Variants in FGFR2 observed in about 807,000 individuals in gnomAD.
The protein encoded by FGFR2 is fibroblast growth factor receptor 2.
In FGFR2, 19 loss-of-function variants were observed where a neutral mutation model predicts 95.9. The ratio of observed to expected loss-of-function variants is 0.20; its 90% CI spans 0.14 to 0.29. The LOEUF is 0.29. Ranked by LOEUF, FGFR2 falls within the 10% of genes least tolerant of loss-of-function variation. FGFR2 has a pLI of 1.00. For missense variants in FGFR2, 707 were observed against 1,056.9 expected (o/e 0.67, Z 4.59); for synonymous variants, 392 against 393.3 (o/e 1.00, Z 0.04).
intron 4 of FGFR2, among the ~76,000 whole-genome samples, chr10:121,560,036 C>T (rs930343084): frequency 1.3e-5 from 2 of 152,156 alleles, no homozygotes; most frequent in African/African-American, 4.8e-5. Context: ...AGCGAGGGCA[C>T]CCACATACAG....
At chr10:121,493,511 T>C (rs542016642) in intron 13 of FGFR2, among the ~76,000 whole-genome samples, 4 of 152,258 alleles carry the variant, frequency 2.6e-5, no homozygotes, top group South Asian at 2.1e-4. Flanking sequence ...GAAGCTCCCA[T>C]GTGGGGCCTC....
At position 121,479,568 on chromosome 10, in the gene FGFR2, T is replaced by C; in HGVS notation, c.*289A>G. 1 of 1,538,534 alleles carries C rather than the reference T, an allele frequency of 6.5e-7. No individual in the cohort carries two copies. Among genetic ancestry groups the C allele is most frequent in the Non-Finnish European group, 8.8e-7 (1 of 1,140,044 alleles). ...ATTAACAAGGAAGGCAGAACGCACG[T>C]CCACCTTGAGTCCTACTGGTCCACA... On this transcript the variant is annotated 3_prime_UTR_variant, in exon 18 of 18. Coordinates refer to ENST00000358487, the MANE Select transcript of FGFR2 (RefSeq NM_000141.5).
At chr10:121,500,680 G>T in intron 11 of FGFR2, 146 bp downstream of exon 11, 1 of 1,143,008 alleles carries the variant, frequency 8.7e-7, no homozygotes, top group Non-Finnish European at 1.3e-6. Context: ...CCGAGATGCT[G>T]ATTTATACCG....
intron 2 of FGFR2, 195 bp from the exon 3 acceptor site, chr10:121,565,899 C>A (rs529146683): frequency 3.1e-6 from 2 of 642,656 alleles, no homozygotes; most frequent in South Asian, 1.9e-5. Context: ...CCAGAGGATA[C>A]CCCCAGAAAA....
At chr10:121,481,199 A>G (rs865851378) in intron 17 of FGFR2, among the ~76,000 whole-genome samples, 124 of 152,212 alleles carry the variant, frequency 8.1e-4, no homozygotes, top group African/African-American at 2.9e-3. Flanking sequence ...TAAATTGGGA[A>G]CTTGTGGGTC....
intron 6 of FGFR2, among the ~76,000 whole-genome samples, chr10:121,522,954 T>C (rs1850769163): frequency 6.6e-6 from 1 of 152,168 alleles, no homozygotes; most frequent in Non-Finnish European, 1.5e-5. Context: ...AACAGCAAAT[T>C]AGAACAATAG....
chr10:121,484,707 A>G (rs1418946350), intron 16 of FGFR2, among the ~76,000 whole-genome samples: 1 of 152,214 alleles, frequency 6.6e-6, no homozygotes, highest in Non-Finnish European at 1.5e-5. Context: ...AACTCCACTT[A>G]AAGTGTGAGG....
At chr10:121,562,395 A>G (rs139333096) in intron 4 of FGFR2, among the ~76,000 whole-genome samples, 2,363 of 151,802 alleles carry the variant, frequency 0.016, 66 homozygotes, top group African/African-American at 0.054. Context: ...AGTGATTCTC[A>G]TGCCTCAGCC....
chr10:121,592,236 T>A (rs1371426617), intron 2 of FGFR2, among the ~76,000 whole-genome samples: 1 of 152,174 alleles, frequency 6.6e-6, no homozygotes, highest in East Asian at 1.9e-4. Flanking sequence ...CGTACAGGCA[T>A]GACTTTCAGA....
Position 121,565,548 on chromosome 10 carries a change from C to T in FGFR2, c.266G>A (p.Gly89Glu), listed in dbSNP as rs2135116206. The change falls in exon 3 of 18, where the codon GGG (glycine) becomes GAG (glutamate). Residue 89 changes from glycine to glutamate, a missense_variant. Physicochemically the swap from Gly to Glu is moderately conservative, Grantham distance 98 (BLOSUM62 -2). Coordinates refer to ENST00000358487, the MANE Select transcript of FGFR2 (RefSeq NM_000141.5). ...GGCGCCCTTTATCTGCAAGTACTCC[C>T]CAATAAGCACTGTCCTATTGTTGGG... ...LGPNNRTVLIGEYLQIKGATP... is the reference protein window; with the variant it reads ...LGPNNRTVLIEEYLQIKGATP... The T allele has an allele frequency of 6.2e-7, 1 of 1,614,218 alleles. No individual in the cohort carries two copies.
chr10:121,589,728 G>A (rs971305193), intron 2 of FGFR2, among the ~76,000 whole-genome samples: 1 of 152,186 alleles, frequency 6.6e-6, no homozygotes, highest in Non-Finnish European at 1.5e-5. Flanking sequence ...TACTAATAAA[G>A]AATGTGTACT....
At chr10:121,577,515 A>T (rs1040727631) in intron 2 of FGFR2, among the ~76,000 whole-genome samples, 7 of 152,088 alleles carry the variant, frequency 4.6e-5, no homozygotes, top group African/African-American at 1.7e-4. Flanking sequence ...TTGGGGGTTA[A>T]TTATCTTCGG....
chr10:121,539,675 T>A (rs1403023930), intron 5 of FGFR2, among the ~76,000 whole-genome samples: 1 of 152,128 alleles, frequency 6.6e-6, no homozygotes, highest in African/African-American at 2.4e-5. Flanking sequence ...TGAAACGAAA[T>A]GAAAAAATAA....
intron 1 of FGFR2, 59 bp from the exon 2 acceptor site, chr10:121,594,026 C>G (rs1863082219): frequency 1.4e-5 from 9 of 643,758 alleles, no homozygotes; most frequent in Non-Finnish European, 2.2e-5. Context: ...CACTCCAGCC[C>G]AAGTGGGATA....
At chr10:121,594,550 C>G (rs1863159649) in intron 1 of FGFR2, among the ~76,000 whole-genome samples, 1 of 152,202 alleles carries the variant, frequency 6.6e-6, no homozygotes, top group Non-Finnish European at 1.5e-5. Context: ...ACAGAAAATT[C>G]CCACCAGTTT....
At chr10:121,532,226 G>A (rs1266763580) in intron 6 of FGFR2, among the ~76,000 whole-genome samples, 1 of 152,194 alleles carries the variant, frequency 6.6e-6, no homozygotes, top group African/African-American at 2.4e-5. Flanking sequence ...AGGGCTCTAC[G>A]GAGCCGAGAC....
Position 121,598,042 on chromosome 10 carries a change from G to C in FGFR2, c.-231C>G. 3 of 397,890 alleles carry C rather than the reference G, an allele frequency of 7.5e-6. No individual in the cohort carries two copies. Among genetic ancestry groups the C allele is most frequent in the Non-Finnish European group, 1.3e-5 (3 of 225,556 alleles). The allele number at this position is 397,890 out of a possible 1,614,324, so 24.6% of individuals were successfully genotyped here. ...GGGATGGAGAAAGCGACGAGCCCGG[G>C]GTTGCGGGGAGCAACTCCAAACGCA... On this transcript the variant is annotated 5_prime_UTR_variant, in exon 1 of 18. Coordinates refer to ENST00000358487, the MANE Select transcript of FGFR2 (RefSeq NM_000141.5).
At chr10:121,588,251 G>C (rs941592354) in intron 2 of FGFR2, among the ~76,000 whole-genome samples, 1 of 151,896 alleles carries the variant, frequency 6.6e-6, no homozygotes, top group Non-Finnish European at 1.5e-5. Flanking sequence ...AGGGTGGAGG[G>C]TGGGTGGGAG....
intron 4 of FGFR2, among the ~76,000 whole-genome samples, chr10:121,556,209 C>T (rs572266508): frequency 3.2e-4 from 48 of 152,270 alleles, no homozygotes; most frequent in African/African-American, 1.1e-3. Flanking sequence ...TTAAGGTCCC[C>T]GCCAGTTCGA....
Sources: allele counts gnomAD v4.1 joint callset (sites outside exome capture counted in the v4.1 genomes callset), GRCh38; gene constraint gnomAD v4.1.1; transcripts MANE v1.5; gene names NCBI Gene and HGNC (gene_info 2026-07-23, HGNC 2026-07-21).